The following POLR3B variants were observed in gnomAD, a reference collection of about 807,000 sequenced individuals.
POLR3B encodes the protein RNA polymerase III subunit B, also known as DNA-directed RNA polymerase III subunit RPC2.
Under a neutral mutation model 147.4 loss-of-function variants are expected in POLR3B, and 96 were observed. The ratio of observed to expected loss-of-function variants is 0.65; its 90% CI spans 0.55 to 0.77. The LOEUF is 0.77. Ranked by LOEUF, POLR3B falls within the 30% of genes least tolerant of loss-of-function variation. The pLI is 0.00. For synonymous variants in POLR3B, 461 were observed against 485.9 expected (o/e 0.95, Z 0.67); for missense variants, 1,036 against 1,413.5 (o/e 0.73, Z 4.28).
chr12:106,496,545 A>G (rs969339269), intron 24 of POLR3B: 2 of 611,166 alleles, frequency 3.3e-6, no homozygotes, highest in Non-Finnish European at 5.8e-6. Flanking sequence ...CAGTTTCTTC[A>G]TCTGTAAAAT....
At chr12:106,448,718 G>A (rs184946346) in intron 19 of POLR3B, among the ~76,000 whole-genome samples, 1 of 151,934 alleles carries the variant, frequency 6.6e-6, no homozygotes, top group Admixed American at 6.6e-5. Flanking sequence ...GGGATTACAG[G>A]TGTGAGCCAC....
At chr12:106,496,984 C>T in intron 25 of POLR3B, 66 bp downstream of exon 25, 1 of 1,481,784 alleles carries the variant, frequency 6.7e-7, no homozygotes, top group South Asian at 1.1e-5. Context: ...GAGACAAAGC[C>T]TTAAGGTATA....
chr12:106,504,668 G>A lies in POLR3B; in HGVS notation c.3272+414G>A, dbSNP rs777872409. ...CCAAAGAGCCAGGGATGCTGCCCCA[G>A]GTCTTATAGCAAATTGGTGACAGAG... On this transcript the variant is annotated intron_variant, in intron 27 of 27. Transcript: ENST00000228347. This position sits in a 1 kb window ranked among gnomAD's most constrained non-coding sequence, Gnocchi z 4.6. 2.0e-5 allele frequency among the ~76,000 whole-genome samples: 3 copies of A among 152,188 alleles called. No individual in the cohort carries two copies. The highest frequency in any genetic ancestry group is 4.4e-5 in the Non-Finnish European group (3 of 68,038).
At chr12:106,408,729 A>G (rs1593024551) in intron 11 of POLR3B, among the ~76,000 whole-genome samples, 1 of 152,288 alleles carries the variant, frequency 6.6e-6, no homozygotes, top group East Asian at 1.9e-4. Flanking sequence ...AGTATCCCAC[A>G]AAGGAGTATC....
intron 27 of POLR3B, among the ~76,000 whole-genome samples, chr12:106,505,659 A>T (rs996767301): frequency 6.6e-6 from 1 of 151,980 alleles, no homozygotes; most frequent in African/African-American, 2.4e-5. Context: ...TTCCAGCCTC[A>T]CCCCCTCATT....
chr12:106,436,976 C>T (rs1419794380), intron 16 of POLR3B, 81 bp from the exon 17 acceptor site: 1 of 1,023,652 alleles, frequency 9.8e-7, no homozygotes, highest in Non-Finnish European at 1.5e-6. Context: ...CATCTTCCCT[C>T]ATCTCACTTT....
chr12:106,440,072 A>T (rs1405501964), intron 18 of POLR3B, among the ~76,000 whole-genome samples: 1 of 152,118 alleles, frequency 6.6e-6, no homozygotes, highest in Admixed American at 6.6e-5. Context: ...AAAAATATAG[A>T]TATAGATATG....
At chr12:106,409,184 G>A (rs2037187999) in intron 11 of POLR3B, among the ~76,000 whole-genome samples, 1 of 151,964 alleles carries the variant, frequency 6.6e-6, no homozygotes, top group African/African-American at 2.4e-5. Flanking sequence ...CATGTAACTT[G>A]CCACATTAAG....
At chr12:106,448,910 CTTCTT>C (rs1220475315) in intron 19 of POLR3B, among the ~76,000 whole-genome samples, 1 of 151,924 alleles carries the variant, frequency 6.6e-6, no homozygotes, top group Non-Finnish European at 1.5e-5. Context: ...CCAAAACTAA[CTTCTT>C]TTCTCATTTT....
chr12:106,405,272 C>CT (rs1308356116), intron 10 of POLR3B, among the ~76,000 whole-genome samples: 1 of 151,956 alleles, frequency 6.6e-6, no homozygotes, highest in African/African-American at 2.4e-5. Context: ...TTTAAGCCTG[C>CT]TAAGCGTATA....
At chr12:106,464,601 T>G (rs1388211091) in intron 23 of POLR3B, among the ~76,000 whole-genome samples, 1 of 152,214 alleles carries the variant, frequency 6.6e-6, no homozygotes, top group Non-Finnish European at 1.5e-5. Context: ...CTGGCACACA[T>G]AGTAAGTGCT....
intron 13 of POLR3B, among the ~76,000 whole-genome samples, chr12:106,429,733 C>T (rs935233185): frequency 6.6e-6 from 1 of 152,006 alleles, no homozygotes; most frequent in Non-Finnish European, 1.5e-5. Context: ...ATTCCTTAAA[C>T]CTTAATTAAG....
chr12:106,370,795 C>A (rs1324554973), intron 6 of POLR3B, among the ~76,000 whole-genome samples: 1 of 152,000 alleles, frequency 6.6e-6, no homozygotes, highest in Non-Finnish European at 1.5e-5. Context: ...CCACACTCAG[C>A]TAATTTTTGT....
At chr12:106,480,203 C>G (rs952512300) in intron 23 of POLR3B, among the ~76,000 whole-genome samples, 1 of 151,994 alleles carries the variant, frequency 6.6e-6, no homozygotes, top group African/African-American at 2.4e-5. Flanking sequence ...TAGGATTTTC[C>G]TCTCCTATTT....
At chr12:106,419,718 G>T (rs539294571) in intron 12 of POLR3B, among the ~76,000 whole-genome samples, 1 of 143,644 alleles carries the variant, frequency 7.0e-6, no homozygotes, top group Non-Finnish European at 1.5e-5. Flanking sequence ...GGAGTATTTA[G>T]TATGCATAAT....
At position 106,483,421 on chromosome 12, in the gene POLR3B, A is replaced by T. The variant is rs562029358; in HGVS notation, c.2714-12634A>T. Among the ~76,000 whole-genome samples, 3 of 152,326 alleles carry T rather than the reference A, an allele frequency of 2.0e-5. No homozygotes were observed. The South Asian group carries it at 6.2e-4, about 32-fold the overall frequency. Reference sequence around the variant, plus strand: ...ACTTTAGGGGATAGAAAGTAAATTAATCCCTTGACTAATGCCCATGAGGAG... The same window carrying T: ...ACTTTAGGGGATAGAAAGTAAATTATTCCCTTGACTAATGCCCATGAGGAG... On this transcript the variant is annotated intron_variant, in intron 23 of 27. Coordinates refer to ENST00000228347, the MANE Select transcript of POLR3B (RefSeq NM_018082.6).
intron 12 of POLR3B, among the ~76,000 whole-genome samples, chr12:106,419,839 T>A (rs1263634579): frequency 1.3e-5 from 2 of 148,374 alleles, no homozygotes; most frequent in East Asian, 4.0e-4. Flanking sequence ...TAACTGGCAT[T>A]CTGGTTATGT....
At chr12:106,363,212 T>A (rs566778196) in intron 1 of POLR3B, among the ~76,000 whole-genome samples, 19 of 152,322 alleles carry the variant, frequency 1.2e-4, no homozygotes, top group African/African-American at 4.1e-4. Context: ...CTAGTTTATA[T>A]CTCCAGGCCA....
intron 12 of POLR3B, among the ~76,000 whole-genome samples, chr12:106,413,806 G>A (rs1165191390): frequency 6.6e-6 from 1 of 151,518 alleles, no homozygotes; most frequent in East Asian, 1.9e-4. Flanking sequence ...TTCCTTTACT[G>A]CATTCTGTGC....
Sources: allele counts gnomAD v4.1 joint callset (sites outside exome capture counted in the v4.1 genomes callset), GRCh38; gene constraint gnomAD v4.1.1; non-coding constraint Gnocchi (gnomAD v3.1); transcripts MANE v1.5; gene names NCBI Gene and HGNC (gene_info 2026-07-23, HGNC 2026-07-21).